KNTC1: variants seen among roughly 807,000 people sequenced by gnomAD.
KNTC1 encodes the protein kinetochore associated 1.
KNTC1 carries 253 observed loss-of-function variants against 314.4 expected under a neutral mutation model. That is an observed-to-expected ratio of 0.80 (90% CI 0.73 to 0.89). The LOEUF (loss-of-function observed/expected upper bound fraction) is 0.89. Ranked by LOEUF, KNTC1 falls within the 40% of genes least tolerant of loss-of-function variation. The probability of loss-of-function intolerance (pLI) is 0.00; values close to 1 mark genes in which losing one functional copy is unlikely to be tolerated. For missense variants in KNTC1, 2,475 were observed against 2,572.9 expected (o/e 0.96, Z 0.82); for synonymous variants, 901 against 901.4 (o/e 1.00, Z 0.01).
chr12:122,531,650 TTTC>T lies in KNTC1; in HGVS notation c.129+1461_129+1463del, dbSNP rs1352664173. Among the ~76,000 whole-genome samples the T allele has an allele frequency of 6.6e-5, 10 of 152,358 alleles. No individual in the cohort carries two copies. The South Asian group carries it at 2.1e-3, about 32-fold the overall frequency. ...AGAGGCAAAAATTTCAAGTGCAGCA[TTTC>T]TTTTTTTTAAATTTTTTGAATCCTT... On this transcript the variant is annotated intron_variant, in intron 2 of 63. Coordinates refer to ENST00000333479, the MANE Select transcript of KNTC1 (RefSeq NM_014708.6).
chr12:122,529,721 G>C (rs1961144525), intron 1 of KNTC1, among the ~76,000 whole-genome samples: 1 of 152,192 alleles, frequency 6.6e-6, no homozygotes, highest in East Asian at 1.9e-4. Context: ...ATGAAAACTT[G>C]GTATAATTCC....
At chr12:122,565,328 C>T (rs1376418663) in intron 20 of KNTC1, among the ~76,000 whole-genome samples, 1 of 150,932 alleles carries the variant, frequency 6.6e-6, no homozygotes, top group East Asian at 2.0e-4. Flanking sequence ...CCATGTTGCC[C>T]AGGCTAGTCT....
intron 18 of KNTC1, among the ~76,000 whole-genome samples, chr12:122,561,709 C>T (rs1264625197): frequency 6.6e-6 from 1 of 152,126 alleles, no homozygotes; most frequent in Non-Finnish European, 1.5e-5. Context: ...CCGCCTCAGC[C>T]TTCCAAAGTG....
At chr12:122,607,334 T>C (rs1872675092) in intron 51 of KNTC1, among the ~76,000 whole-genome samples, 1 of 152,120 alleles carries the variant, frequency 6.6e-6, no homozygotes, top group Non-Finnish European at 1.5e-5. Flanking sequence ...AAAGTGCTGG[T>C]ATAACAGGCA....
chr12:122,544,068 T>A (rs1031776824), intron 7 of KNTC1, 91 bp from the exon 8 acceptor site: 29 of 522,182 alleles, frequency 5.6e-5, no homozygotes, highest in Non-Finnish European at 6.4e-5. Flanking sequence ...AAAAAAAAAA[T>A]TTATAACTGA....
intron 5 of KNTC1, 63 bp from the exon 6 acceptor site, chr12:122,541,987 C>T: frequency 2.1e-6 from 3 of 1,438,242 alleles, no homozygotes; most frequent in South Asian, 2.8e-5. Context: ...TGCACTCCAG[C>T]CTAGCGACAG....
At position 122,573,168 on chromosome 12, in the gene KNTC1, A is replaced by C. The variant is rs370831829; in HGVS notation, c.2166A>C (p.Arg722=). 3 of 1,613,882 alleles carry C rather than the reference A, an allele frequency of 1.9e-6. No homozygotes were observed. The East Asian group carries it at 6.7e-5, about 36-fold the overall frequency. The change falls in exon 26 of 64, where the codon CGA becomes CGC. Residue 722 remains arginine (R), a synonymous_variant. Coordinates refer to ENST00000333479, the MANE Select transcript of KNTC1 (RefSeq NM_014708.6). Reference sequence around the variant, plus strand: ...AAAATACAACCACCATAGTGTTCCGAATGTTTGATAAAGTGCTGGCCCCAG... The same window carrying C: ...AAAATACAACCACCATAGTGTTCCGCATGTTTGATAAAGTGCTGGCCCCAG... The part of the protein sequence containing the change: ...EKENTTTIVF[R]MFDKVLAPEL...
chr12:122,620,246 A>C, intron 59 of KNTC1: 1 of 288,870 alleles, frequency 3.5e-6, no homozygotes, highest in Non-Finnish European at 6.4e-6. Context: ...GCTTTCAGAC[A>C]TAATCATGAT....
chr12:122,572,398 CAAAAAAA>C (rs1210847200), intron 24 of KNTC1, among the ~76,000 whole-genome samples: 1 of 144,396 alleles, frequency 6.9e-6, no homozygotes, highest in East Asian at 2.0e-4. Flanking sequence ...CTGTCCCCCC[CAAAAAAA>C]AAGAAAAAAG....
Position 122,530,093 on chromosome 12 carries a change from T to C in KNTC1, c.30T>C (p.Asn10=). The C allele has an allele frequency of 6.2e-7, 1 of 1,613,804 alleles. No homozygotes were observed. Among genetic ancestry groups the C allele is most frequent in the Non-Finnish European group, 8.5e-7 (1 of 1,179,776 alleles). Residue 10 remains asparagine (N), a synonymous_variant, in exon 2 of 64, where the codon AAT becomes AAC. Transcript: ENST00000333479. ...GGAATGATATTGAGCTGCTAACAAA[T>C]GATGATACCGGAAGTGGGTACCTGA... MWNDIELLT[N]DDTGSGYLSV... is the part of the protein sequence containing the mutation.
rs1555224138 is a variant in KNTC1, at chr12:122,550,169, A to ACATATTTATGTAACCAATTTT, written c.1086+319_1086+320insCAATTTTCATATTTATGTAAC. Reference sequence around the variant, plus strand: ...ATGGGAGATGGAGACTATTGCTGTTACATATTTATGTAACTAATTTACATA... The same window carrying ACATATTTATGTAACCAATTTT: ...ATGGGAGATGGAGACTATTGCTGTTACATATTTATGTAACCAATTTTCATATTTATGTAACTAATTTACATA... On this transcript the variant is annotated intron_variant, in intron 13 of 63. Transcript: ENST00000333479. Among the ~76,000 whole-genome samples, 1,145 of 151,608 alleles carry ACATATTTATGTAACCAATTTT rather than the reference A, an allele frequency of 7.6e-3. 13 individuals carry two copies. Among genetic ancestry groups the ACATATTTATGTAACCAATTTT allele is most frequent in the African/African-American group, 0.027 (1,107 of 41,246 alleles).
Position 122,546,177 on chromosome 12 carries a change from G to GAACC in KNTC1, c.672_675dup (p.Gly226AsnfsTer3). On this transcript the variant is annotated frameshift_variant and splice_region_variant, in exon 9 of 64. Transcript: ENST00000333479. LOFTEE classifies it high-confidence loss of function. ...TAAGTACTGTGTTCATTTTTCCAGG[G>GAACC]AACCGGTAATTGTGCATTCTCAAAA... The GAACC allele has an allele frequency of 6.3e-7, 1 of 1,599,334 alleles. No homozygotes were observed. Among genetic ancestry groups the GAACC allele is most frequent in the Non-Finnish European group, 8.6e-7 (1 of 1,167,078 alleles).
Position 122,585,039 on chromosome 12 carries a change from G to C in KNTC1, c.3534+49G>C, listed in dbSNP as rs759355434. On this transcript the variant is annotated intron_variant, in intron 36 of 63. Transcript: ENST00000333479. ...CCTTAAATCCTGGGCAACGCATTAT[G>C]CACCTTTTTTTTTTTTCGGACAGGG... The C allele has an allele frequency of 4.6e-6, 5 of 1,080,292 alleles. No homozygotes were observed. The South Asian group carries it at 6.8e-5, about 15-fold the overall frequency. 66.9% of individuals were successfully genotyped at this position (1,080,292 alleles called of 1,614,324 possible).
Position 122,547,473 on chromosome 12 carries a change from T to C in KNTC1, c.875T>C (p.Leu292Pro). 6.2e-7 allele frequency: 1 copy of C among 1,613,224 alleles called. No individual in the cohort carries two copies. Among genetic ancestry groups the C allele is most frequent in the Non-Finnish European group, 8.5e-7 (1 of 1,179,290 alleles). ...TLTPVWNWPS[L>P]HVEEFLLTTE... ...ACTCCTGTATGGAACTGGCCCTCTC[T>C]TCACGTAGAAGAGTTTCTTCTTACT... is the stretch of plus-strand genomic sequence containing the variant. The change falls in exon 11 of 64, where the codon CTT (leucine) becomes CCT (proline). Residue 292 changes from leucine (L) to proline (P), a missense_variant. Leu to Pro is a moderately conservative substitution (Grantham distance 98, BLOSUM62 -3). Coordinates refer to ENST00000333479, the MANE Select transcript of KNTC1 (RefSeq NM_014708.6).
intron 16 of KNTC1, among the ~76,000 whole-genome samples, chr12:122,555,693 C>T (rs1593530248): frequency 6.6e-6 from 1 of 151,962 alleles, no homozygotes. Context: ...ACTAAAAATA[C>T]AAAAAATTAT....
At chr12:122,553,819 A>C (rs1565948749) in intron 16 of KNTC1, among the ~76,000 whole-genome samples, 1 of 152,052 alleles carries the variant, frequency 6.6e-6, no homozygotes, top group Non-Finnish European at 1.5e-5. Flanking sequence ...GTAAGTTTTA[A>C]ATGTACTGGG....
intron 32 of KNTC1, 32 bp from the exon 33 acceptor site, chr12:122,580,571 G>C (rs1316806645): frequency 7.6e-7 from 1 of 1,323,202 alleles, no homozygotes; most frequent in South Asian, 1.3e-5. Flanking sequence ...GAATTTGCAT[G>C]TCTGCTATAA....
chr12:122,624,846 C>G (rs937285320), intron 63 of KNTC1, 158 bp downstream of exon 63: 5 of 650,700 alleles, frequency 7.7e-6, no homozygotes, highest in African/African-American at 7.3e-5. Context: ...GAGTTCTAAA[C>G]TAGAAATCAA....
At chr12:122,550,282 A>G (rs1194869352) in intron 13 of KNTC1, among the ~76,000 whole-genome samples, 2 of 152,112 alleles carry the variant, frequency 1.3e-5, no homozygotes, top group East Asian at 3.8e-4. Context: ...TGTAGACATC[A>G]TGCTGTCACG....
Sources: allele counts gnomAD v4.1 joint callset (sites outside exome capture counted in the v4.1 genomes callset), GRCh38; gene constraint gnomAD v4.1.1; transcripts MANE v1.5; gene names NCBI Gene and HGNC (gene_info 2026-07-23, HGNC 2026-07-21).